Variants in ESRRG observed in about 807,000 individuals in gnomAD.
The protein encoded by ESRRG is estrogen-related receptor gamma.
ESRRG carries 13 observed loss-of-function variants against 44.0 expected under a neutral mutation model. That is an observed-to-expected ratio of 0.30 (90% CI 0.19 to 0.47). The LOEUF is 0.47. Among genes scored for constraint, ESRRG ranks in the 20% least tolerant of loss-of-function variants. The probability of loss-of-function intolerance (pLI) is 1.00; values close to 1 mark genes in which losing one functional copy is unlikely to be tolerated. For synonymous variants in ESRRG, 215 were observed against 214.6 expected (o/e 1.00, Z -0.02); for missense variants, 395 against 580.6 (o/e 0.68, Z 3.29).
chr1:216,556,766 A>C (rs1390704523), intron 5 of ESRRG, among the ~76,000 whole-genome samples: 3 of 152,100 alleles, frequency 2.0e-5, no homozygotes, highest in African/African-American at 7.2e-5. Flanking sequence ...TAGTTGTCAA[A>C]TCACCTCCCT....
At chr1:216,960,787 C>T (rs189075717) in intron 1 of ESRRG, among the ~76,000 whole-genome samples, 30 of 152,160 alleles carry the variant, frequency 2.0e-4, no homozygotes, top group Non-Finnish European at 4.4e-5. Flanking sequence ...GACAGGGTCT[C>T]ACTGTGTTAC....
intron 2 of ESRRG, among the ~76,000 whole-genome samples, chr1:216,846,888 T>C (rs1019489503): frequency 6.6e-6 from 1 of 151,896 alleles, no homozygotes; most frequent in Non-Finnish European, 1.5e-5. Flanking sequence ...TTTGTATATA[T>C]ATTTATATAT....
intron 1 of ESRRG, among the ~76,000 whole-genome samples, chr1:217,026,087 CT>C (rs2081136167): frequency 6.6e-6 from 1 of 152,144 alleles, no homozygotes; most frequent in African/African-American, 2.4e-5. Flanking sequence ...GACTTAACAC[CT>C]TGCCTTTAGT....
chr1:216,737,168 A>T (rs905810979), intron 2 of ESRRG, among the ~76,000 whole-genome samples: 1 of 152,186 alleles, frequency 6.6e-6, no homozygotes, highest in Non-Finnish European at 1.5e-5. Flanking sequence ...TTCTCTGGCT[A>T]GTATATGTCT....
At chr1:216,814,040 C>G (rs2095057437) in intron 2 of ESRRG, among the ~76,000 whole-genome samples, 1 of 152,052 alleles carries the variant, frequency 6.6e-6, no homozygotes, top group Non-Finnish European at 1.5e-5. Flanking sequence ...AGGAGCTCCT[C>G]AACCCAATTA....
At chr1:216,721,455 C>T (rs2086259770) in intron 1 of ESRRG, among the ~76,000 whole-genome samples, 1 of 152,188 alleles carries the variant, frequency 6.6e-6, no homozygotes. Flanking sequence ...ACCATCAGAA[C>T]TGCATCCAGA....
At chr1:216,828,533 G>T (rs1411432107) in intron 2 of ESRRG, among the ~76,000 whole-genome samples, 1 of 152,052 alleles carries the variant, frequency 6.6e-6, no homozygotes, top group East Asian at 1.9e-4. Context: ...TTAAAACAAG[G>T]AAGATCAAAA....
At chr1:217,061,476 T>TC (rs1257731234) in intron 1 of ESRRG, among the ~76,000 whole-genome samples, 1 of 151,506 alleles carries the variant, frequency 6.6e-6, no homozygotes, top group African/African-American at 2.4e-5. Context: ...ATAAATGAGC[T>TC]CCCCCCACAC....
At chr1:216,973,698 T>C (rs1442388643) in intron 1 of ESRRG, among the ~76,000 whole-genome samples, 1 of 151,902 alleles carries the variant, frequency 6.6e-6, no homozygotes. Context: ...TGGCGGTACA[T>C]GGTTTTAATC....
At chr1:216,964,959 T>C (rs2069958721) in intron 1 of ESRRG, among the ~76,000 whole-genome samples, 1 of 152,214 alleles carries the variant, frequency 6.6e-6, no homozygotes, top group Non-Finnish European at 1.5e-5. Context: ...AGGATTTTAA[T>C]AGTTCAATAA....
At chr1:216,615,877 G>A (rs1224427490) in intron 3 of ESRRG, among the ~76,000 whole-genome samples, 1 of 151,768 alleles carries the variant, frequency 6.6e-6, no homozygotes, top group African/African-American at 2.4e-5. Context: ...GTAGAGACAG[G>A]GTTTCTCCAT....
intron 2 of ESRRG, among the ~76,000 whole-genome samples, chr1:216,788,750 G>A (rs2148034445): frequency 6.6e-6 from 1 of 152,212 alleles, no homozygotes; most frequent in South Asian, 2.1e-4. Flanking sequence ...TTTTTGTAGA[G>A]GATTCACCAT....
chr1:217,077,687 G>A (rs986228857), intron 1 of ESRRG, among the ~76,000 whole-genome samples: 1 of 152,174 alleles, frequency 6.6e-6, no homozygotes, highest in African/African-American at 2.4e-5. Context: ...TCAGTGGAAT[G>A]CTCTTTACGA....
chr1:216,647,073 T>A (rs762974512), intron 3 of ESRRG, among the ~76,000 whole-genome samples: 1 of 152,154 alleles, frequency 6.6e-6, no homozygotes, highest in Non-Finnish European at 1.5e-5. Context: ...ACTGAGCTAG[T>A]ATGTCCTGCA....
chr1:216,798,732 C>A (rs1418310977), intron 2 of ESRRG, among the ~76,000 whole-genome samples: 1 of 152,088 alleles, frequency 6.6e-6, no homozygotes, highest in Non-Finnish European at 1.5e-5. Context: ...ACAGATTTGA[C>A]AAATAGACTG....
chr1:216,562,578 C>T (rs987422977), intron 5 of ESRRG, among the ~76,000 whole-genome samples: 15 of 152,062 alleles, frequency 9.9e-5, no homozygotes, highest in African/African-American at 3.6e-4. Context: ...AGGGGTGCTA[C>T]TGGCATCTAG....
At chr1:216,892,430 C>T (rs951730993) in intron 2 of ESRRG, among the ~76,000 whole-genome samples, 1 of 152,100 alleles carries the variant, frequency 6.6e-6, no homozygotes, top group Non-Finnish European at 1.5e-5. Flanking sequence ...TTCCCTACAG[C>T]GTTTATATAC....
At chr1:216,755,329 G>C (rs2092377395) in intron 2 of ESRRG, among the ~76,000 whole-genome samples, 1 of 151,856 alleles carries the variant, frequency 6.6e-6, no homozygotes, top group Admixed American at 6.6e-5. Context: ...TTCAAGTCAT[G>C]ATTTGCCTTC....
chr1:217,008,404 C>T (rs1283806556), intron 1 of ESRRG, among the ~76,000 whole-genome samples: 1 of 152,166 alleles, frequency 6.6e-6, no homozygotes, highest in African/African-American at 2.4e-5. Flanking sequence ...GAATTCAAAC[C>T]CTGGACTCCA....
Sources: gnomAD v4.1 joint callset for allele counts (sites outside exome capture counted in the v4.1 genomes callset) on GRCh38, gnomAD v4.1.1 for gene constraint, MANE v1.5 for transcripts, NCBI Gene and HGNC (gene_info 2026-07-23, HGNC 2026-07-21) for gene names.